Variants in NECTIN3 observed in about 807,000 individuals in gnomAD.
The protein encoded by NECTIN3 is nectin-3.
Under a neutral mutation model 49.4 loss-of-function variants are expected in NECTIN3, and 8 were observed. That is an observed-to-expected ratio of 0.16 (90% CI 0.10 to 0.29). The LOEUF (loss-of-function observed/expected upper bound fraction) is 0.29, where lower values mean the gene tolerates loss of function less well. NECTIN3 is among the 10% of genes least tolerant of loss of function. The pLI, the probability that NECTIN3 is intolerant of heterozygous loss-of-function variation, is 1.00. For missense variants in NECTIN3, 581 were observed against 654.6 expected, an observed-to-expected ratio of 0.89 and a Z score of 1.23; for synonymous variants, 277 against 241.1, an observed-to-expected ratio of 1.15 and a Z score of -1.38.
intron 7 of NECTIN3, among the ~76,000 whole-genome samples, chr3:111,148,195 A>G (rs979299958): frequency 1.3e-5 from 2 of 152,200 alleles, no homozygotes; most frequent in African/African-American, 4.8e-5. Context: ...TATGTCCTGT[A>G]TCTTCAGCCT....
At chr3:111,085,565 C>T (rs2107375522) in intron 1 of NECTIN3, among the ~76,000 whole-genome samples, 1 of 152,274 alleles carries the variant, frequency 6.6e-6, no homozygotes, top group South Asian at 2.1e-4. Context: ...CTCTCATACT[C>T]CTCAGTCACA....
At chr3:111,132,129 CTTGT>C (rs1054129091) in intron 5 of NECTIN3, among the ~76,000 whole-genome samples, 1 of 151,780 alleles carries the variant, frequency 6.6e-6, no homozygotes, top group African/African-American at 2.4e-5. Flanking sequence ...CAATTCTACA[CTTGT>C]TTTCTTGGGG....
At chr3:111,074,303 A>G (rs1576058854) in intron 1 of NECTIN3, 1 of 455,288 alleles carries the variant, frequency 2.2e-6, no homozygotes, top group Admixed American at 2.4e-5. Context: ...TAGTTAATAG[A>G]GTTATAATGA....
chr3:111,162,792 C>T (rs1249492145), intron 7 of NECTIN3, among the ~76,000 whole-genome samples: 2 of 152,182 alleles, frequency 1.3e-5, no homozygotes, highest in Non-Finnish European at 2.9e-5. Context: ...CCTTGAAAGC[C>T]ATCAAGCTTC....
rs1475286642 is a variant in NECTIN3 at position 111,118,959 on chromosome 3, A to G, written c.799+7A>G. 1 of 1,575,990 alleles carries G rather than the reference A, an allele frequency of 6.3e-7. No homozygotes were observed. ...TTCATATTAGACATACAGTGTAAGT[A>G]AATGGTAACATTTACTTTTTAAATA... On this transcript the variant is annotated splice_region_variant and intron_variant, in intron 3 of 5. Coordinates refer to ENST00000485303, the MANE Select transcript of NECTIN3 (RefSeq NM_015480.3).
At chr3:111,088,169 G>C (rs2032043617) in intron 1 of NECTIN3, among the ~76,000 whole-genome samples, 1 of 152,058 alleles carries the variant, frequency 6.6e-6, no homozygotes, top group African/African-American at 2.4e-5. Flanking sequence ...GGGTGGTAGA[G>C]GGAGAAGAGT....
intron 1 of NECTIN3, among the ~76,000 whole-genome samples, chr3:111,081,205 C>G (rs1052819874): frequency 7.2e-5 from 11 of 152,144 alleles, no homozygotes; most frequent in African/African-American, 2.7e-4. Flanking sequence ...TGCTTGAGCC[C>G]GGAAGGCTGA....
chr3:111,144,040 A>G (rs867847081), intron 5 of NECTIN3, among the ~76,000 whole-genome samples: 30 of 152,208 alleles, frequency 2.0e-4, no homozygotes, highest in Admixed American at 1.3e-3. Context: ...ACACGTAAAG[A>G]TTGTTTTGTT....
At chr3:111,118,631 A>G (rs2033810980) in intron 2 of NECTIN3, 25 bp from the exon 3 acceptor site, 1 of 1,495,540 alleles carries the variant, frequency 6.7e-7, no homozygotes, top group East Asian at 2.5e-5. Flanking sequence ...GAATGTAACT[A>G]ATTATTAAAA....
chr3:111,121,352 A>G (rs929273944), intron 3 of NECTIN3, among the ~76,000 whole-genome samples: 3 of 152,120 alleles, frequency 2.0e-5, no homozygotes, highest in Admixed American at 1.3e-4. Context: ...CCTGGCACTT[A>G]TTAGGAGCTA....
chr3:111,092,452 C>G (rs1288785436), intron 1 of NECTIN3, among the ~76,000 whole-genome samples: 1 of 151,838 alleles, frequency 6.6e-6, no homozygotes, highest in Non-Finnish European at 1.5e-5. Flanking sequence ...GCTCTATGAT[C>G]CATTTTGATA....
intron 5 of NECTIN3, among the ~76,000 whole-genome samples, chr3:111,131,228 G>C (rs1020101953): frequency 1.3e-5 from 2 of 151,932 alleles, no homozygotes; most frequent in Admixed American, 6.6e-5. Context: ...GAAACTTAAA[G>C]TTCTTCATTT....
chr3:111,089,440 AACATAT>A (rs1347447920), intron 1 of NECTIN3, among the ~76,000 whole-genome samples: 1 of 149,292 alleles, frequency 6.7e-6, no homozygotes, highest in Non-Finnish European at 1.5e-5. Context: ...TATGTATATA[AACATAT>A]ACATACACAC....
At chr3:111,091,175 C>A (rs1199381909) in intron 1 of NECTIN3, among the ~76,000 whole-genome samples, 3 of 152,132 alleles carry the variant, frequency 2.0e-5, no homozygotes, top group East Asian at 1.9e-4. Context: ...TAATTTACTT[C>A]TTTGTCTTTA....
At chr3:111,095,655 A>G (rs1430691875) in intron 1 of NECTIN3, among the ~76,000 whole-genome samples, 3 of 152,090 alleles carry the variant, frequency 2.0e-5, no homozygotes, top group Admixed American at 6.6e-5. Context: ...GAGGGACCCT[A>G]TGGGAGGTAA....
intron 5 of NECTIN3, among the ~76,000 whole-genome samples, chr3:111,131,533 C>T (rs1016031100): frequency 1.3e-5 from 2 of 151,866 alleles, no homozygotes; most frequent in Non-Finnish European, 2.9e-5. Context: ...ACTAGTGAGG[C>T]TCAGTTATTT....
intron 5 of NECTIN3, among the ~76,000 whole-genome samples, chr3:111,128,684 C>T (rs1012299130): frequency 6.6e-6 from 1 of 152,072 alleles, no homozygotes; most frequent in Admixed American, 6.5e-5. Context: ...TCTCTCACAC[C>T]CTAGTTAATT....
At chr3:111,090,861 CA>C (rs1253702143) in intron 1 of NECTIN3, among the ~76,000 whole-genome samples, 2 of 143,206 alleles carry the variant, frequency 1.4e-5, no homozygotes, top group African/African-American at 2.5e-5. Context: ...ATTAAAACCA[CA>C]ATCACTTTTG....
chr3:111,151,901 A>G (rs1279136480), intron 7 of NECTIN3, among the ~76,000 whole-genome samples: 2 of 151,694 alleles, frequency 1.3e-5, no homozygotes, highest in Admixed American at 6.6e-5. Context: ...ACAGATAACC[A>G]CTTTTATTAA....
Sources: allele counts gnomAD v4.1 joint callset (sites outside exome capture counted in the v4.1 genomes callset), GRCh38; gene constraint gnomAD v4.1.1; transcripts MANE v1.5; gene names NCBI Gene and HGNC (gene_info 2026-07-23, HGNC 2026-07-21).